Variants in LRBA observed in about 807,000 individuals in gnomAD.
The protein encoded by LRBA is LPS responsive beige-like anchor protein.
In LRBA, 176 loss-of-function variants were observed where a neutral mutation model predicts 330.0. The observed-to-expected ratio is 0.53, with a 90% confidence interval of 0.47 to 0.60. The LOEUF (loss-of-function observed/expected upper bound fraction) is 0.60. LRBA is among the 20% of genes least tolerant of loss of function. LRBA has a pLI of 0.00. For missense variants in LRBA, 3,259 were observed against 3,444.8 expected (o/e 0.95, Z 1.35); for synonymous variants, 1,230 against 1,193.0 (o/e 1.03, Z -0.64).
intron 52 of LRBA, among the ~76,000 whole-genome samples, chr4:150,308,961 T>C (rs929772776): frequency 1.3e-5 from 2 of 152,188 alleles, no homozygotes; most frequent in African/African-American, 2.4e-5. Flanking sequence ...TACAGAGTTT[T>C]ATAAAGTCTA....
At chr4:150,810,647 G>A (rs1743586380) in intron 31 of LRBA, among the ~76,000 whole-genome samples, 1 of 152,092 alleles carries the variant, frequency 6.6e-6, no homozygotes, top group East Asian at 1.9e-4. Flanking sequence ...TCTCACCCAG[G>A]CTGGAGTGCA....
chr4:150,584,142 C>G, intron 40 of LRBA: 2 of 1,501,944 alleles, frequency 1.3e-6, no homozygotes, highest in South Asian at 1.4e-5. Context: ...GCGACACAAA[C>G]GGGCGTGCTC....
intron 36 of LRBA, among the ~76,000 whole-genome samples, chr4:150,717,442 G>A (rs1728349639): frequency 6.6e-6 from 1 of 151,726 alleles, no homozygotes; most frequent in Non-Finnish European, 1.5e-5. Flanking sequence ...TGGGAGGCTT[G>A]AGCTCAGGAG....
chr4:150,484,876 A>C (rs1166068190), intron 42 of LRBA, among the ~76,000 whole-genome samples: 2 of 151,834 alleles, frequency 1.3e-5, no homozygotes, highest in East Asian at 3.9e-4. Context: ...AATATTTCTA[A>C]TATCTCTTCT....
intron 40 of LRBA, among the ~76,000 whole-genome samples, chr4:150,495,603 G>A (rs577123748): frequency 1.1e-4 from 16 of 152,252 alleles, no homozygotes; most frequent in Admixed American, 6.5e-5. Flanking sequence ...TTAGGAAAAG[G>A]TGTCAGTACT....
chr4:150,413,704 A>G (rs1747337195), intron 47 of LRBA, among the ~76,000 whole-genome samples: 1 of 152,206 alleles, frequency 6.6e-6, no homozygotes, highest in African/African-American at 2.4e-5. Flanking sequence ...AGTGGCAGTT[A>G]CATAACTGTA....
chr4:150,313,650 C>T (rs1443270815), intron 51 of LRBA, among the ~76,000 whole-genome samples: 1 of 151,686 alleles, frequency 6.6e-6, no homozygotes, highest in East Asian at 1.9e-4. Context: ...TTTATGGTGG[C>T]TTTTGTGCTA....
intron 37 of LRBA, among the ~76,000 whole-genome samples, chr4:150,667,368 T>A (rs1193240850): frequency 6.6e-6 from 1 of 152,096 alleles, no homozygotes; most frequent in African/African-American, 2.4e-5. Context: ...ATTGTGATGA[T>A]GGAAGCAGAG....
intron 40 of LRBA, among the ~76,000 whole-genome samples, chr4:150,573,652 G>A (rs557737005): frequency 1.5e-4 from 23 of 152,250 alleles, no homozygotes; most frequent in South Asian, 2.1e-4. Context: ...AAGTTATCAC[G>A]TAAGTGAAAG....
At chr4:150,559,730 T>C (rs1353752837) in intron 40 of LRBA, among the ~76,000 whole-genome samples, 1 of 89,874 alleles carries the variant, frequency 1.1e-5, no homozygotes, top group Non-Finnish European at 2.0e-5. Flanking sequence ...TTATATAATA[T>C]ATAATATAAT....
intron 40 of LRBA, chr4:150,582,475 T>A (rs1340726581): frequency 6.5e-6 from 1 of 153,570 alleles, no homozygotes; most frequent in Non-Finnish European, 1.4e-5. Flanking sequence ...GCACCTTCCA[T>A]TTGGGGGAGG....
Position 150,583,368 on chromosome 4 carries a change from GGTCGAGTTCATCACGGC to G in LRBA, c.6330+4663_6330+4679del. The G allele has an allele frequency of 6.2e-7, 1 of 1,614,126 alleles. No homozygotes were observed. The highest frequency in any genetic ancestry group is 8.5e-7 in the Non-Finnish European group (1 of 1,180,032). ...GGCGGAAGCGGAGCATGTCTCTCTG[GGTCGAGTTCATCACGGC>G]GTCGGGCTATCTCTCAGCGCGTAAG... On this transcript the variant is annotated intron_variant, in intron 40 of 56. Transcript: ENST00000651943. The surrounding 1 kb of genome is among the most constrained non-coding windows in gnomAD (Gnocchi z 9.8).
In LRBA at chr4:150,622,688, C is replaced by CTTTTTTTTTTT. The variant is rs10528461; in HGVS notation, c.5922-23568_5922-23558dup. Among the ~76,000 whole-genome samples, 94 of 105,632 alleles carry CTTTTTTTTTTT rather than the reference C, an allele frequency of 8.9e-4. 5 individuals carry two copies. Among genetic ancestry groups the CTTTTTTTTTTT allele is most frequent in the African/African-American group, 3.4e-3 (83 of 24,104 alleles). The allele number at this position is 105,632 out of a possible 152,430, so 69.3% of individuals were successfully genotyped here. On this transcript the variant is annotated intron_variant, in intron 37 of 56. Coordinates refer to ENST00000651943, the MANE Select transcript of LRBA (RefSeq NM_001364905.1). ...GAAGACAACAGTCACCTAAATCAAT[C>CTTTTTTTTTTT]TTTTTTTTTTTTTTTTTTTTTTTTT...
chr4:150,304,330 T>C (rs1730081439), intron 52 of LRBA, among the ~76,000 whole-genome samples: 1 of 152,128 alleles, frequency 6.6e-6, no homozygotes, highest in Non-Finnish European at 1.5e-5. Context: ...ATCTAAGGCT[T>C]ATTATGAAGG....
At chr4:150,496,587 GAAAT>G (rs1281924361) in intron 40 of LRBA, among the ~76,000 whole-genome samples, 1 of 151,812 alleles carries the variant, frequency 6.6e-6, no homozygotes, top group Non-Finnish European at 1.5e-5. Context: ...TCAAAAAAAA[GAAAT>G]ACTTACATGA....
intron 33 of LRBA, among the ~76,000 whole-genome samples, chr4:150,802,422 T>C (rs1390477129): frequency 6.6e-6 from 1 of 151,566 alleles, no homozygotes; most frequent in Non-Finnish European, 1.5e-5. Context: ...TAGCAAAATG[T>C]TTCAAGATAC....
At chr4:150,627,071 C>T (rs886889642) in intron 37 of LRBA, among the ~76,000 whole-genome samples, 3 of 151,864 alleles carry the variant, frequency 2.0e-5, no homozygotes, top group Non-Finnish European at 4.4e-5. Flanking sequence ...TAAGTTTATG[C>T]TCAACATCTC....
intron 34 of LRBA, among the ~76,000 whole-genome samples, chr4:150,791,287 G>A (rs565834729): frequency 1.3e-3 from 191 of 152,184 alleles, no homozygotes; most frequent in African/African-American, 4.5e-3. Context: ...ACTCACTGTG[G>A]AATTTGCTGT....
intron 47 of LRBA, among the ~76,000 whole-genome samples, chr4:150,371,131 A>G (rs879431313): frequency 6.6e-6 from 1 of 151,254 alleles, no homozygotes; most frequent in Admixed American, 6.6e-5. Flanking sequence ...TTAATATATA[A>G]TCTATCTCCT....
Sources: gnomAD v4.1 joint callset for allele counts (sites outside exome capture counted in the v4.1 genomes callset) on GRCh38, gnomAD v4.1.1 for gene constraint, Gnocchi (gnomAD v3.1) non-coding constraint, MANE v1.5 for transcripts, NCBI Gene and HGNC (gene_info 2026-07-23, HGNC 2026-07-21) for gene names.